The following NCAM1 variants were observed in gnomAD, a reference collection of about 807,000 sequenced individuals.
NCAM1 encodes neural cell adhesion molecule 1.
A neutral mutation model predicts 109.8 loss-of-function variants in NCAM1; 14 were observed. The observed-to-expected ratio is 0.13, with a 90% CI of 0.08 to 0.20. The LOEUF (loss-of-function observed/expected upper bound fraction) is 0.20. Among genes scored for constraint, NCAM1 ranks in the 10% least tolerant of loss-of-function variants. The pLI, the probability that NCAM1 is intolerant of heterozygous loss-of-function variation, is 1.00. For missense variants in NCAM1, 774 were observed against 1,109.9 expected, an observed-to-expected ratio of 0.70 and a Z score of 4.30; for synonymous variants, 418 against 442.9, an observed-to-expected ratio of 0.94 and a Z score of 0.70.
chr11:112,987,106 T>C (rs1218714515), intron 1 of NCAM1, among the ~76,000 whole-genome samples: 3 of 152,196 alleles, frequency 2.0e-5, no homozygotes, highest in Admixed American at 2.0e-4. Flanking sequence ...CGTTTTTGTT[T>C]CTCTCAAGAT....
At chr11:113,092,507 G>T (rs1204307851) in intron 1 of NCAM1, among the ~76,000 whole-genome samples, 14 of 152,064 alleles carry the variant, frequency 9.2e-5, no homozygotes, top group African/African-American at 3.4e-4. Context: ...TAAATTATTT[G>T]CCCCTAGTTA....
intron 7 of NCAM1, among the ~76,000 whole-genome samples, chr11:113,208,678 C>T (rs1261462697): frequency 1.3e-5 from 2 of 152,120 alleles, no homozygotes; most frequent in African/African-American, 2.4e-5. Context: ...ATCTCTCTCT[C>T]GTGACTCTTA....
intron 9 of NCAM1, among the ~76,000 whole-genome samples, chr11:113,223,930 A>C (rs1944758561): frequency 6.6e-6 from 1 of 152,224 alleles, no homozygotes; most frequent in Admixed American, 6.5e-5. Context: ...ATGATGTATG[A>C]AAATAGCCCT....
intron 19 of NCAM1, 101 bp downstream of exon 19, chr11:113,271,977 C>T (rs1555125545): frequency 6.0e-6 from 5 of 829,276 alleles, no homozygotes; most frequent in African/African-American, 1.7e-5. Flanking sequence ...CAGCTCCCGG[C>T]CAAACAGTTC....
intron 1 of NCAM1, among the ~76,000 whole-genome samples, chr11:113,089,054 C>T (rs1349717202): frequency 6.6e-6 from 1 of 152,176 alleles, no homozygotes; most frequent in Non-Finnish European, 1.5e-5. Context: ...GTGGCTCACG[C>T]CTGTAATCCC....
intron 1 of NCAM1, among the ~76,000 whole-genome samples, chr11:113,108,274 C>A (rs1408985066): frequency 7.9e-5 from 12 of 152,278 alleles, no homozygotes; most frequent in African/African-American, 2.9e-4. Context: ...TGCAAAGCCA[C>A]ACATCAGGAA....
At chr11:113,269,601 A>G (rs1946220958) in intron 17 of NCAM1, 1 of 154,406 alleles carries the variant, frequency 6.5e-6, no homozygotes, top group South Asian at 2.0e-4. Flanking sequence ...GAGGAGGGTA[A>G]ACTATGAACC....
At chr11:112,971,184 T>G (rs1555066725) in intron 1 of NCAM1, among the ~76,000 whole-genome samples, 1 of 150,182 alleles carries the variant, frequency 6.7e-6, no homozygotes, top group Admixed American at 6.6e-5. Context: ...AAAAAGAGAG[T>G]GTGTTTTATA....
At chr11:113,265,641 C>A in intron 17 of NCAM1, among the ~76,000 whole-genome samples, 1 of 152,174 alleles carries the variant, frequency 6.6e-6, no homozygotes, top group Admixed American at 6.5e-5. Flanking sequence ...TTAACTCAGA[C>A]GCATCCTGCA....
intron 1 of NCAM1, among the ~76,000 whole-genome samples, chr11:113,100,739 G>T (rs1939837530): frequency 6.6e-6 from 1 of 152,130 alleles, no homozygotes; most frequent in Non-Finnish European, 1.5e-5. Context: ...GGGGGGGTGG[G>T]TGGCACGTGG....
At chr11:112,996,689 C>T (rs1591228088) in intron 1 of NCAM1, among the ~76,000 whole-genome samples, 1 of 152,152 alleles carries the variant, frequency 6.6e-6, no homozygotes, top group African/African-American at 2.4e-5. Flanking sequence ...TGCATTTCAT[C>T]ATTAAGGAGG....
At chr11:113,124,024 GC>G (rs1555096579) in intron 1 of NCAM1, among the ~76,000 whole-genome samples, 1 of 152,188 alleles carries the variant, frequency 6.6e-6, no homozygotes, top group Non-Finnish European at 1.5e-5. Context: ...CAGCTGGGAA[GC>G]AGGATGCCAG....
intron 15 of NCAM1, among the ~76,000 whole-genome samples, chr11:113,252,799 CT>C (rs33948720): frequency 0.018 from 696 of 39,630 alleles, 2 homozygotes; most frequent in African/African-American, 0.061. Context: ...CTATGCCCAG[CT>C]TTTTTTTTTT....
intron 1 of NCAM1, among the ~76,000 whole-genome samples, chr11:113,135,099 G>A (rs1043357844): frequency 6.6e-6 from 1 of 152,146 alleles, no homozygotes; most frequent in Admixed American, 6.5e-5. Context: ...AACTGTGTGA[G>A]AATAGTGGAA....
chr11:113,046,887 GAA>G (rs1953287919), intron 1 of NCAM1, among the ~76,000 whole-genome samples: 3 of 2,448 alleles, frequency 1.2e-3, no homozygotes, highest in Non-Finnish European at 2.8e-3. Context: ...GAAGGGAAAG[GAA>G]GAAAGGAAGA....
At chr11:113,066,876 C>T (rs533360473) in intron 1 of NCAM1, among the ~76,000 whole-genome samples, 1 of 151,824 alleles carries the variant, frequency 6.6e-6, no homozygotes, top group East Asian at 1.9e-4. Flanking sequence ...TGGTGGCGGG[C>T]GCCTGTAGTC....
In NCAM1 at chr11:113,011,912, ATTTCT is replaced by A. The variant is rs1183426808; in HGVS notation, c.52+50256_52+50260del. 7.9e-5 allele frequency among the ~76,000 whole-genome samples: 12 copies of A among 151,560 alleles called. No individual in the cohort carries two copies. The South Asian group carries it at 2.3e-3, about 29-fold the overall frequency. On this transcript the variant is annotated intron_variant, in intron 1 of 19. Transcript: ENST00000316851. The stretch of plus-strand genomic sequence containing the variant: ...ATTGGAGACTGGTTTGGAAAAAAAA[ATTTCT>A]TTTCTTTCCTTCTTTCCTTCTCTCC...
chr11:113,090,010 A>G (rs782688427), intron 1 of NCAM1, among the ~76,000 whole-genome samples: 5 of 152,252 alleles, frequency 3.3e-5, no homozygotes, highest in Admixed American at 1.3e-4. Context: ...TAGATTGACG[A>G]AAAGAGTATC....
intron 1 of NCAM1, among the ~76,000 whole-genome samples, chr11:112,990,550 G>A (rs1555070420): frequency 6.6e-6 from 1 of 152,118 alleles, no homozygotes; most frequent in African/African-American, 2.4e-5. Flanking sequence ...TTTCTCTCTG[G>A]GACCCTAGTA....
Sources: allele counts gnomAD v4.1 joint callset (sites outside exome capture counted in the v4.1 genomes callset), GRCh38; gene constraint gnomAD v4.1.1; transcripts MANE v1.5; gene names NCBI Gene and HGNC (gene_info 2026-07-23, HGNC 2026-07-21).